VSTM4: variants seen among roughly 807,000 people sequenced by gnomAD.
VSTM4 encodes the protein V-set and transmembrane domain-containing protein 4.
A neutral mutation model predicts 36.4 loss-of-function variants in VSTM4; 20 were observed. That is an observed-to-expected ratio of 0.55 (90% CI 0.39 to 0.80). The LOEUF (loss-of-function observed/expected upper bound fraction) is 0.80, where lower values mean the gene tolerates loss of function less well. VSTM4 is among the 30% of genes least tolerant of loss of function. VSTM4 has a pLI of 0.00. For synonymous variants in VSTM4, 182 were observed against 173.9 expected (o/e 1.05, Z -0.37); for missense variants, 392 against 404.5 (o/e 0.97, Z 0.26).
At chr10:49,114,585 G>GTTTTT (rs33942311) in intron 1 of VSTM4, among the ~76,000 whole-genome samples, 3,196 of 142,352 alleles carry the variant, frequency 0.022, 108 homozygotes, top group African/African-American at 0.075. Flanking sequence ...CCAAGTTCAT[G>GTTTTT]TTTTTTTTTT....
At chr10:49,081,482 G>A (rs1281487654) in intron 3 of VSTM4, among the ~76,000 whole-genome samples, 1 of 152,234 alleles carries the variant, frequency 6.6e-6, no homozygotes. Context: ...GAACCCAGGA[G>A]GGACAAGGTT....
At chr10:49,055,248 C>T (rs147617594) in intron 5 of VSTM4, among the ~76,000 whole-genome samples, 12 of 152,178 alleles carry the variant, frequency 7.9e-5, no homozygotes, top group East Asian at 1.9e-4. Flanking sequence ...TGAAAGGTGT[C>T]GCTTCAGCTG....
At chr10:49,101,960 C>T (rs1844672917) in intron 2 of VSTM4, among the ~76,000 whole-genome samples, 1 of 136,252 alleles carries the variant, frequency 7.3e-6, no homozygotes, top group African/African-American at 3.1e-5. Context: ...TGTTAAAATA[C>T]ATGTGTGTCT....
intron 5 of VSTM4, among the ~76,000 whole-genome samples, chr10:49,049,749 T>G (rs1843669077): frequency 1.9e-5 from 2 of 102,800 alleles, no homozygotes; most frequent in South Asian, 6.7e-4. Context: ...TAAAGTATAC[T>G]GACTTCTTTT....
chr10:49,025,537 C>A (rs2131933916), intron 7 of VSTM4, among the ~76,000 whole-genome samples: 1 of 152,338 alleles, frequency 6.6e-6, no homozygotes, highest in East Asian at 1.9e-4. Context: ...CATGGCCAGG[C>A]CTCGGCCTTG....
chr10:49,058,047 T>G (rs1397154280), intron 5 of VSTM4, among the ~76,000 whole-genome samples: 1 of 152,212 alleles, frequency 6.6e-6, no homozygotes, highest in African/African-American at 2.4e-5. Flanking sequence ...ATGCCTCTAA[T>G]GAGAGGCCAT....
intron 7 of VSTM4, among the ~76,000 whole-genome samples, chr10:49,039,599 C>T (rs1590077916): frequency 6.6e-6 from 1 of 152,016 alleles, no homozygotes; most frequent in Non-Finnish European, 1.5e-5. Flanking sequence ...CTCAGCTACC[C>T]TAGGGCTTCA....
intron 7 of VSTM4, among the ~76,000 whole-genome samples, chr10:49,036,213 T>C (rs1229522677): frequency 6.6e-6 from 1 of 152,196 alleles, no homozygotes; most frequent in Non-Finnish European, 1.5e-5. Flanking sequence ...CCATCCCTTC[T>C]GAAGCCTCAG....
intron 5 of VSTM4, among the ~76,000 whole-genome samples, chr10:49,052,598 T>C (rs941708210): frequency 3.3e-5 from 5 of 152,326 alleles, no homozygotes; most frequent in South Asian, 2.1e-4. Context: ...TTTTGTTCCA[T>C]GCAGTTTTTT....
chr10:49,048,661 T>C lies in VSTM4; in HGVS notation c.669-77A>G, dbSNP rs537781757. 24 of 1,178,480 alleles carry C rather than the reference T, an allele frequency of 2.0e-5. No individual in the cohort carries two copies. In the East Asian group the frequency reaches 4.3e-4, roughly 21 times the overall value. The allele number at this position is 1,178,480 out of a possible 1,614,324, so 73.0% of individuals were successfully genotyped here. On this transcript the variant is annotated intron_variant, in intron 5 of 7. Coordinates refer to ENST00000332853, the MANE Select transcript of VSTM4 (RefSeq NM_001031746.5). ...AGAAAGGAAAAAAAAAAACCCACAA[T>C]AGCTTCCAATAGTTTCTGAGTGCTC... is the stretch of plus-strand genomic sequence containing the variant.
chr10:49,075,480 C>T lies in VSTM4; in HGVS notation c.634+1739G>A, dbSNP rs140800447. 2.9e-4 allele frequency among the ~76,000 whole-genome samples: 44 copies of T among 152,382 alleles called. No individual in the cohort carries two copies. In the East Asian group the frequency reaches 8.3e-3, roughly 29 times the overall value. On this transcript the variant is annotated intron_variant, in intron 4 of 7. Transcript: ENST00000332853. Reference sequence around the variant, plus strand: ...TGAATTGAATGTGTGGTCCCTGCCTCTCACACTGTCCTCTTGAAGGAAGGC... The same window carrying T: ...TGAATTGAATGTGTGGTCCCTGCCTTTCACACTGTCCTCTTGAAGGAAGGC...
rs796820428 is a variant in VSTM4, at chr10:49,038,001, C to T, written c.837+8982G>A. Among the ~76,000 whole-genome samples the T allele has an allele frequency of 3.2e-4, 48 of 151,726 alleles. 1 individual carries two copies. Among genetic ancestry groups the T allele is most frequent in the African/African-American group, 1.1e-3 (44 of 41,412 alleles). ...TATGAAGAAATTGAAACCCTGTGTGCTCTTTGTAGGAATGTAAAATGGTGC... is the reference window on the plus strand; with the variant it reads ...TATGAAGAAATTGAAACCCTGTGTGTTCTTTGTAGGAATGTAAAATGGTGC... On this transcript the variant is annotated intron_variant, in intron 7 of 7. Coordinates refer to ENST00000332853, the MANE Select transcript of VSTM4 (RefSeq NM_001031746.5).
chr10:49,019,946 A>G (rs1475160220), intron 7 of VSTM4, among the ~76,000 whole-genome samples, 171 bp from the exon 8 acceptor site: 1 of 152,238 alleles, frequency 6.6e-6, no homozygotes, highest in Non-Finnish European at 1.5e-5. Context: ...TTAATAAGAT[A>G]GATCTCATTG....
intron 3 of VSTM4, among the ~76,000 whole-genome samples, chr10:49,083,148 G>A (rs1844309814): frequency 6.6e-6 from 1 of 152,206 alleles, no homozygotes; most frequent in African/African-American, 2.4e-5. Context: ...CATTTCCAGG[G>A]CAAATGGAAA....
At chr10:49,062,597 T>C (rs1374443279) in intron 5 of VSTM4, among the ~76,000 whole-genome samples, 1 of 152,258 alleles carries the variant, frequency 6.6e-6, no homozygotes, top group East Asian at 1.9e-4. Context: ...GAGATTATTA[T>C]GCCTGGCATT....
chr10:49,021,709 T>C (rs192505949), intron 7 of VSTM4, among the ~76,000 whole-genome samples: 1 of 150,476 alleles, frequency 6.6e-6, no homozygotes, highest in African/African-American at 2.4e-5. Flanking sequence ...AAAAAAAAGG[T>C]TGACAAAACA....
At chr10:49,023,587 G>A (rs1843213053) in intron 7 of VSTM4, among the ~76,000 whole-genome samples, 1 of 152,228 alleles carries the variant, frequency 6.6e-6, no homozygotes, top group South Asian at 2.1e-4. Context: ...CTGACGAGGA[G>A]CCTGTTGCAA....
intron 5 of VSTM4, among the ~76,000 whole-genome samples, chr10:49,052,268 A>G (rs188560377): frequency 9.9e-4 from 150 of 152,260 alleles, no homozygotes; most frequent in African/African-American, 3.2e-3. Context: ...CACCCTCCTT[A>G]ACACCACTTG....
At chr10:49,093,025 C>A (rs1485366711) in intron 2 of VSTM4, among the ~76,000 whole-genome samples, 1 of 152,120 alleles carries the variant, frequency 6.6e-6, no homozygotes, top group Non-Finnish European at 1.5e-5. Context: ...CTGGGAGCTA[C>A]TTGTACTCAA....
Sources: allele counts gnomAD v4.1 joint callset (sites outside exome capture counted in the v4.1 genomes callset), GRCh38; gene constraint gnomAD v4.1.1; transcripts MANE v1.5; gene names NCBI Gene and HGNC (gene_info 2026-07-23, HGNC 2026-07-21).